The following MRPL32 variants were observed in gnomAD, a reference collection of about 807,000 sequenced individuals.
The protein encoded by MRPL32 is large ribosomal subunit protein bL32m.
Under a neutral mutation model 21.7 loss-of-function variants are expected in MRPL32, and 14 were observed. The observed-to-expected ratio is 0.64, with a 90% CI of 0.43 to 1.01. The LOEUF (loss-of-function observed/expected upper bound fraction) is 1.01. Among genes scored for constraint, MRPL32 ranks in the 50% least tolerant of loss-of-function variants. The probability of loss-of-function intolerance (pLI) is 0.00; values close to 1 mark genes in which losing one functional copy is unlikely to be tolerated. For synonymous variants in MRPL32, 83 were observed against 87.7 expected (o/e 0.95, Z 0.30); for missense variants, 211 against 235.9 (o/e 0.89, Z 0.69).
rs762812893 is a variant in MRPL32, at chr7:42,932,454, A to G, written c.68A>G (p.Tyr23Cys). 8.1e-6 allele frequency: 13 copies of G among 1,611,982 alleles called. No individual in the cohort carries two copies. In the East Asian group the frequency reaches 2.5e-4, roughly 30 times the overall value. Residue 23 changes from tyrosine (Y) to cysteine (C), a missense_variant, in exon 1 of 3, where the codon TAC becomes TGC. This residue lies in a region of MRPL32 where 81 missense variants were observed against 55.8 expected (regional missense o/e 1.45). Coordinates refer to ENST00000223324, the MANE Select transcript of MRPL32 (RefSeq NM_031903.3). ...WSAARGVLRN[Y>C]WERLLRKLPQ... ...GCGGCCCGGGGAGTGCTTCGAAACT[A>G]CTGGGAGCGACTGCTACGGAAGCTT... is the stretch of plus-strand genomic sequence containing the variant.
rs781566838 is a variant in MRPL32 at position 42,934,945 on chromosome 7, T to G, written c.131-10T>G. The G allele has an allele frequency of 2.6e-6, 4 of 1,547,502 alleles. No homozygotes were observed. Among genetic ancestry groups the G allele is most frequent in the Non-Finnish European group, 3.5e-6 (4 of 1,150,934 alleles). On this transcript the variant is annotated splice_polypyrimidine_tract_variant and intron_variant, in intron 1 of 2. Transcript: ENST00000223324. ...AACTAATTCTGTATCTCTTATGTTT[T>G]ATTTCCTAGGACCAGCATTAGCAGT...
intron 1 of MRPL32, among the ~76,000 whole-genome samples, chr7:42,932,761 G>A (rs1427540699): frequency 1.3e-5 from 2 of 150,710 alleles, no homozygotes; most frequent in Non-Finnish European, 3.0e-5. Context: ...TGTAACCCAA[G>A]CTTGTGTCAA....
At chr7:42,936,620 C>A (rs1786428258) in intron 2 of MRPL32, 1 of 150,170 alleles carries the variant, frequency 6.7e-6, no homozygotes, top group African/African-American at 2.4e-5. Flanking sequence ...GTTGATAAAT[C>A]TTTTAGAGGT....
intron 2 of MRPL32, chr7:42,935,743 G>T (rs1786412964): frequency 6.6e-6 from 1 of 152,154 alleles, no homozygotes; most frequent in Non-Finnish European, 1.5e-5. Flanking sequence ...GAGGCAAAAA[G>T]AATTTGCCTG....
chr7:42,933,948 T>G (rs1471858335), intron 1 of MRPL32, among the ~76,000 whole-genome samples: 1 of 152,170 alleles, frequency 6.6e-6, no homozygotes, highest in East Asian at 1.9e-4. Flanking sequence ...GAGAACTTTG[T>G]GTATTTTTAA....
chr7:42,937,160 TC>T, intron 2 of MRPL32, 161 bp from the exon 3 acceptor site: 1 of 1,535,526 alleles, frequency 6.5e-7, no homozygotes, highest in Middle Eastern at 1.7e-4. Context: ...TTGCTTGTCT[TC>T]AGTCTTCCTG....
chr7:42,937,417 A>G lies in MRPL32; in HGVS notation c.408A>G (p.Glu136=), dbSNP rs1215283364. 2.5e-6 allele frequency: 4 copies of G among 1,614,220 alleles called. No homozygotes were observed. The highest frequency in any genetic ancestry group is 3.4e-6 in the Non-Finnish European group (4 of 1,180,038). The change falls in exon 3 of 3, where the codon GAA becomes GAG. Residue 136 remains glutamate (E), a synonymous_variant. Transcript: ENST00000223324. ...AAAAGGTGTGCAAGGAGACTGCAGA[A>G]ATCAGACGACAGATAGGGAAGCAAG... is the stretch of plus-strand genomic sequence containing the variant. ...CYEKVCKETA[E]IRRQIGKQEG... is the part of the protein sequence containing the mutation.
Position 42,937,424 on chromosome 7 carries a change from C to A in MRPL32, c.415C>A (p.Arg139=), listed in dbSNP as rs764122226. The stretch of plus-strand genomic sequence containing the variant: ...GTGCAAGGAGACTGCAGAAATCAGA[C>A]GACAGATAGGGAAGCAAGAAGGGGG... The part of the protein sequence containing the change: ...KVCKETAEIR[R]QIGKQEGGPF... The change falls in exon 3 of 3, where the codon CGA becomes AGA. Residue 139 remains arginine, a synonymous_variant. Coordinates refer to ENST00000223324, the MANE Select transcript of MRPL32 (RefSeq NM_031903.3). 4 of 1,613,946 alleles carry A rather than the reference C, an allele frequency of 2.5e-6. No individual in the cohort carries two copies. Among genetic ancestry groups the A allele is most frequent in the African/African-American group, 1.3e-5 (1 of 74,886 alleles).
chr7:42,932,542 G>A, intron 1 of MRPL32, 26 bp downstream of exon 1: 1 of 1,575,886 alleles, frequency 6.3e-7, no homozygotes, highest in South Asian at 1.1e-5. Flanking sequence ...CTCCGTGGGA[G>A]AGGGGGCTGA....
In MRPL32 at chr7:42,932,495, G is replaced by C. The variant is rs1786338195; in HGVS notation, c.109G>C (p.Gly37Arg). 2 of 1,609,474 alleles carry C rather than the reference G, an allele frequency of 1.2e-6. No individual in the cohort carries two copies. ...LLRKLPQSRP[G>R]FPSPPWGPAL... ...ACGGAAGCTTCCGCAGAGCCGGCCG[G>C]GCTTTCCCAGTCCTCCGTGGGGTAG... The change falls in exon 1 of 3, where the codon GGC becomes CGC. Residue 37 changes from glycine (G) to arginine (R), a missense_variant. By Grantham distance (125) the Gly-to-Arg change is moderately radical. Transcript: ENST00000223324.
Position 42,932,420 on chromosome 7 carries a change from C to G in MRPL32, c.34C>G (p.Pro12Ala), listed in dbSNP as rs1318305672. ...ALAMLVLVVS[P>A]WSAARGVLRN... ...GGCCATGCTGGTCTTGGTGGTTTCG[C>G]CGTGGTCTGCGGCCCGGGGAGTGCT... is the stretch of plus-strand genomic sequence containing the variant. Residue 12 changes from proline (P) to alanine (A), a missense_variant, in exon 1 of 3, where the codon CCG becomes GCG. Around this residue, in one of 2 missense-constraint regions of MRPL32, gnomAD observed 81 missense variants for 55.8 expected, o/e 1.45. Coordinates refer to ENST00000223324, the MANE Select transcript of MRPL32 (RefSeq NM_031903.3). The G allele has an allele frequency of 4.3e-6, 7 of 1,610,678 alleles. No individual in the cohort carries two copies. The South Asian group carries it at 7.7e-5, about 18-fold the overall frequency.
intron 2 of MRPL32, chr7:42,935,685 GC>G (rs1160529749): frequency 1.3e-5 from 2 of 151,998 alleles, no homozygotes; most frequent in South Asian, 2.1e-4. Context: ...ATGTCTTATA[GC>G]CCTCCAAAGC....
chr7:42,933,097 G>T (rs376825108), intron 1 of MRPL32, among the ~76,000 whole-genome samples: 3 of 152,258 alleles, frequency 2.0e-5, no homozygotes, highest in African/African-American at 7.2e-5. Flanking sequence ...TCAGGGCCTT[G>T]AAAGAAAAGC....
Position 42,932,392 on chromosome 7 carries a change from G to C in MRPL32, c.6G>C (p.Ala2=). M[A]LAMLVLVVSP... ...GCGGTCTTCCAGCAGGGAAAATGGC[G>C]CTGGCCATGCTGGTCTTGGTGGTTT... The change falls in exon 1 of 3, where the codon GCG becomes GCC. Residue 2 remains alanine (A), a synonymous_variant. Transcript: ENST00000223324. 1 of 1,608,210 alleles carries C rather than the reference G, an allele frequency of 6.2e-7. No homozygotes were observed.
intron 2 of MRPL32, chr7:42,936,586 C>T (rs1476263146): frequency 6.6e-6 from 1 of 151,414 alleles, no homozygotes; most frequent in Non-Finnish European, 1.5e-5. Context: ...TTTGTATTTT[C>T]TTTCAAACCT....
At position 42,934,971 on chromosome 7, in the gene MRPL32, A is replaced by G. The variant is rs943453883; in HGVS notation, c.147A>G (p.Val49=). ...ATTTCCTAGGACCAGCATTAGCAGT[A>G]CAGGGCCCAGCCATGTTTACAGAGC... is the stretch of plus-strand genomic sequence containing the variant. The part of the protein sequence containing the change: ...PSPPWGPALA[V]QGPAMFTEPA... The change falls in exon 2 of 3, where the codon GTA becomes GTG. Residue 49 remains valine, a synonymous_variant. Transcript: ENST00000223324. 1.9e-6 allele frequency: 3 copies of G among 1,610,562 alleles called. No individual in the cohort carries two copies. The highest frequency in any genetic ancestry group is 3.4e-5 in the Admixed American group (2 of 59,064).
At position 42,932,532 on chromosome 7, in the gene MRPL32, C is replaced by T; in HGVS notation, c.130+16C>T. 3 of 1,585,960 alleles carry T rather than the reference C, an allele frequency of 1.9e-6. No homozygotes were observed. The highest frequency in any genetic ancestry group is 2.3e-5 in the East Asian group (1 of 44,002). ...CCTCCGTGGGGTAGGTAAAGAAGGG[C>T]TCCGTGGGAGAGGGGGCTGATGACG... On this transcript the variant is annotated intron_variant, in intron 1 of 2. Coordinates refer to ENST00000223324, the MANE Select transcript of MRPL32 (RefSeq NM_031903.3).
intron 2 of MRPL32, 199 bp from the exon 3 acceptor site, chr7:42,937,123 T>C: frequency 7.4e-7 from 1 of 1,357,194 alleles, no homozygotes; most frequent in Non-Finnish European, 1.0e-6. Context: ...ATTCTAGTTC[T>C]AGTTTTTCTC....
intron 2 of MRPL32, 99 bp downstream of exon 2, chr7:42,935,235 T>G: frequency 1.0e-6 from 1 of 969,164 alleles, no homozygotes; most frequent in South Asian, 1.7e-5. Flanking sequence ...ATTATCAGAT[T>G]ATATGTGTCT....
Sources: gnomAD v4.1 joint callset for allele counts (sites outside exome capture counted in the v4.1 genomes callset) on GRCh38, gnomAD v4.1.1 for gene constraint, gnomAD v4.1.1 regional missense constraint, MANE v1.5 for transcripts, NCBI Gene and HGNC (gene_info 2026-07-23, HGNC 2026-07-21) for gene names.